LUZP1: variants seen among roughly 807,000 people sequenced by gnomAD.
LUZP1 encodes the protein leucine zipper protein 1.
A neutral mutation model predicts 71.3 loss-of-function variants in LUZP1; 25 were observed. The ratio of observed to expected loss-of-function variants is 0.35; its 90% CI spans 0.26 to 0.49. The LOEUF (loss-of-function observed/expected upper bound fraction) is 0.49, where lower values mean the gene tolerates loss of function less well. LUZP1 is among the 20% of genes least tolerant of loss of function. LUZP1 has a pLI of 0.99. For synonymous variants in LUZP1, 481 were observed against 506.4 expected (o/e 0.95, Z 0.67); for missense variants, 1,142 against 1,300.8 (o/e 0.88, Z 1.88).
intron 2 of LUZP1, among the ~76,000 whole-genome samples, chr1:23,117,467 CTCTCTCTCT>C (rs1644089853): frequency 2.1e-5 from 1 of 46,842 alleles, no homozygotes; most frequent in East Asian, 7.6e-4. Flanking sequence ...CTCTCTCTCT[CTCTCTCTCT>C]CCCCCCCCCC....
intron 3 of LUZP1, among the ~76,000 whole-genome samples, chr1:23,097,104 C>A (rs1275666826): frequency 6.6e-6 from 1 of 152,164 alleles, no homozygotes; most frequent in Non-Finnish European, 1.5e-5. Flanking sequence ...TGTTTCCTCA[C>A]AGGGAAGAAG....
At chr1:23,115,697 C>T (rs753709857) in intron 2 of LUZP1, among the ~76,000 whole-genome samples, 2 of 152,228 alleles carry the variant, frequency 1.3e-5, no homozygotes, top group East Asian at 1.9e-4. Context: ...CATGCCACCA[C>T]GCCCAGCTAA....
intron 2 of LUZP1, among the ~76,000 whole-genome samples, chr1:23,112,600 C>T (rs1231506516): frequency 2.0e-5 from 3 of 152,212 alleles, no homozygotes; most frequent in African/African-American, 7.2e-5. Flanking sequence ...AACAACTATA[C>T]TCTGGATAAA....
intron 3 of LUZP1, among the ~76,000 whole-genome samples, chr1:23,107,515 T>A (rs1643992867): frequency 6.6e-6 from 1 of 152,182 alleles, no homozygotes; most frequent in African/African-American, 2.4e-5. Context: ...AATAGGTATG[T>A]GTAGGCTGGG....
At chr1:23,111,824 C>T (rs1441079704) in intron 2 of LUZP1, among the ~76,000 whole-genome samples, 1 of 151,526 alleles carries the variant, frequency 6.6e-6, no homozygotes, top group Admixed American at 6.6e-5. Context: ...CACACACACA[C>T]TCATCTTCTT....
exon 4 of LUZP1, chr1:23,091,389 G>A (rs1478663567): frequency 6.2e-7 from 1 of 1,614,222 alleles, no homozygotes; most frequent in Non-Finnish European, 8.5e-7. Flanking sequence ...TGAGAAGTCT[G>A]TGGAAGACCT....
At chr1:23,163,637 T>C (rs914105316) in intron 2 of LUZP1, among the ~76,000 whole-genome samples, 2 of 149,408 alleles carry the variant, frequency 1.3e-5, no homozygotes, top group African/African-American at 2.5e-5. Flanking sequence ...CCTTAGAACA[T>C]AAGGAGGAAT....
intron 2 of LUZP1, among the ~76,000 whole-genome samples, chr1:23,110,635 T>TACACACACACACACAC (rs1553137224): frequency 4.8e-5 from 2 of 41,848 alleles, no homozygotes; most frequent in African/African-American, 1.3e-4. Context: ...CGCGCACACA[T>TACACACACACACACAC]ACACACACAC....
In LUZP1 at chr1:23,091,485, C is replaced by T. The variant is rs143980720; in HGVS notation, c.2777G>A (p.Ser926Asn). The T allele has an allele frequency of 2.1e-5, 34 of 1,614,090 alleles. No individual in the cohort carries two copies. The highest frequency in any genetic ancestry group is 2.7e-5 in the Non-Finnish European group (32 of 1,180,034). The change falls in exon 4 of 5, where the codon AGT (serine) becomes AAT (asparagine). Residue 926 changes from serine (S) to asparagine (N), a missense_variant. By Grantham distance (46) the Ser-to-Asn change is conservative. Transcript: ENST00000302291. ...TTCTAAAGATTTCAAGTCTCGCCTA[C>T]TCTTCCAGGCATTCCGCACAGTAAC...
intron 1 of LUZP1, among the ~76,000 whole-genome samples, chr1:23,169,604 A>T (rs1215002626): frequency 2.0e-5 from 3 of 152,166 alleles, no homozygotes; most frequent in African/African-American, 7.2e-5. Context: ...TCTTCTTTAA[A>T]ATGGGAAGGG....
chr1:23,165,914 A>T (rs1348350475), intron 2 of LUZP1, among the ~76,000 whole-genome samples: 3 of 152,098 alleles, frequency 2.0e-5, no homozygotes, highest in Non-Finnish European at 4.4e-5. Context: ...CATTACATAA[A>T]TGAAATATAT....
chr1:23,112,578 C>A (rs1042585929), intron 2 of LUZP1, among the ~76,000 whole-genome samples: 2 of 152,096 alleles, frequency 1.3e-5, no homozygotes, highest in Non-Finnish European at 2.9e-5. Flanking sequence ...TCAGTATGAC[C>A]CTCCCACAGA....
At chr1:23,086,244 A>G (rs1643763100) in exon 5 of LUZP1, 1 of 152,674 alleles carries the variant, frequency 6.5e-6, no homozygotes. Context: ...AACAGCCTCC[A>G]GCCTTTACTT....
chr1:23,123,490 T>TC (rs1260425979), intron 2 of LUZP1, among the ~76,000 whole-genome samples: 1 of 77,908 alleles, frequency 1.3e-5, no homozygotes, highest in Non-Finnish European at 2.4e-5. Flanking sequence ...AGACTTTGTC[T>TC]CCAAAAAAAA....
intron 3 of LUZP1, among the ~76,000 whole-genome samples, chr1:23,103,355 G>T (rs968631749): frequency 4.6e-5 from 7 of 151,976 alleles, no homozygotes; most frequent in South Asian, 2.1e-4. Context: ...CTAATTACAG[G>T]GCTTACATTA....
At chr1:23,098,853 T>G (rs1643910763) in intron 3 of LUZP1, among the ~76,000 whole-genome samples, 2 of 152,150 alleles carry the variant, frequency 1.3e-5, no homozygotes, top group African/African-American at 4.8e-5. Flanking sequence ...CAAATGCCAA[T>G]TCTCTCCAAG....
intron 2 of LUZP1, among the ~76,000 whole-genome samples, chr1:23,128,981 CTAAAGAGAAAA>C (rs1477580355): frequency 6.6e-6 from 1 of 152,160 alleles, no homozygotes; most frequent in Non-Finnish European, 1.5e-5. Flanking sequence ...CTTTCCTAAG[CTAAAGAGAAAA>C]TAAACAGAAA....
At chr1:23,139,019 A>AAAAAATATATATAT (rs1317355746) in intron 2 of LUZP1, among the ~76,000 whole-genome samples, 3 of 59,948 alleles carry the variant, frequency 5.0e-5, no homozygotes, top group East Asian at 4.0e-4. Flanking sequence ...AAAAAAAAAA[A>AAAAAATATATATAT]ATATATATAT....
chr1:23,156,205 C>T lies in LUZP1; in HGVS notation c.-226+12561G>A, dbSNP rs767763812. ...GACCAGCCTGGCCAACATGGTGAAA[C>T]CCTGTCTCTACTAAAAATACAAAAA... On this transcript the variant is annotated intron_variant, in intron 2 of 4. Transcript: ENST00000302291. Among the ~76,000 whole-genome samples the T allele has an allele frequency of 1.1e-3, 166 of 152,210 alleles. 3 individuals are homozygous for T. The highest frequency in any genetic ancestry group is 3.1e-4 in the Non-Finnish European group (21 of 68,014).
Sources: gnomAD v4.1 joint callset for allele counts (sites outside exome capture counted in the v4.1 genomes callset) on GRCh38, gnomAD v4.1.1 for gene constraint, MANE v1.5 for transcripts, NCBI Gene and HGNC (gene_info 2026-07-23, HGNC 2026-07-21) for gene names.